The following ACSM3 variants were observed in gnomAD, a reference collection of about 807,000 sequenced individuals.
ACSM3 encodes acyl-CoA synthetase medium chain family member 3, also known as acyl-coenzyme A synthetase ACSM3, mitochondrial.
Under a neutral mutation model 74.1 loss-of-function variants are expected in ACSM3, and 61 were observed. The observed-to-expected ratio is 0.82, with a 90% CI of 0.67 to 1.02. The LOEUF is 1.02. ACSM3 is among the 50% of genes least tolerant of loss of function. The pLI, the probability that ACSM3 is intolerant of heterozygous loss-of-function variation, is 0.00. For missense variants in ACSM3, 660 were observed against 697.0 expected, an observed-to-expected ratio of 0.95 and a Z score of 0.60; for synonymous variants, 213 against 241.5, an observed-to-expected ratio of 0.88 and a Z score of 1.09.
At chr16:20,734,952 G>C (rs2079856632) in intron 1 of ACSM3, 1 of 152,206 alleles carries the variant, frequency 6.6e-6, no homozygotes, top group South Asian at 2.1e-4. Flanking sequence ...GAGAGAAAAT[G>C]CTATTTCATT....
intron 1 of ACSM3, among the ~76,000 whole-genome samples, chr16:20,694,684 C>T (rs893465107): frequency 1.6e-4 from 25 of 152,156 alleles, no homozygotes; most frequent in African/African-American, 6.0e-4. Flanking sequence ...TGAGGGAATC[C>T]ATTAACCAGT....
intron 12 of ACSM3, 52 bp downstream of exon 12, chr16:20,792,387 T>C (rs764887199): frequency 1.2e-6 from 2 of 1,603,238 alleles, no homozygotes; most frequent in East Asian, 4.5e-5. Context: ...ATTTAACACA[T>C]ACTTACAAAC....
intron 1 of ACSM3, among the ~76,000 whole-genome samples, chr16:20,686,268 A>C (rs2079552573): frequency 6.6e-6 from 1 of 152,144 alleles, no homozygotes; most frequent in Admixed American, 6.6e-5. Context: ...GCAGACTAGG[A>C]AGCTCCAGGC....
At position 20,777,399 on chromosome 16, in the gene ACSM3, C is replaced by T. The variant is rs1199355404; in HGVS notation, c.457C>T (p.Gln153Ter). 6.2e-7 allele frequency: 1 copy of T among 1,613,888 alleles called. No individual in the cohort carries two copies. Among genetic ancestry groups the T allele is most frequent in the Non-Finnish European group, 8.5e-7 (1 of 1,179,942 alleles). The change falls in exon 4 of 14, where the codon CAG (glutamine) becomes TAG (stop). Residue 153 changes from glutamine to a stop codon, truncating the protein, a stop_gained. Coordinates refer to ENST00000289416, the MANE Select transcript of ACSM3 (RefSeq NM_005622.4). LOFTEE classifies it high-confidence loss of function. Reference protein sequence around the residue: ...TGTVLIPGTTQLTQKDILYRL... With the variant: ...TGTVLIPGTT ...GACAGTTTTAATTCCAGGAACCACT[C>T]AGCTGACCCAGAAAGACATTCTCTA...
chr16:20,783,576 A>C (rs1309966329), intron 7 of ACSM3: 1 of 152,186 alleles, frequency 6.6e-6, no homozygotes, highest in Non-Finnish European at 1.5e-5. Context: ...ATTTCTTGTT[A>C]TAGCTCATAT....
Position 20,741,481 on chromosome 16 carries a change from G to GTC in ACSM3, c.-189-8429_-189-8428insTC. ...CTCCTCCCGCAAGGCCTGGCAGCCGGCCCGCCCGCCCACCCCGGGACCGGT... is the reference window on the plus strand; with the variant it reads ...CTCCTCCCGCAAGGCCTGGCAGCCGGTCCCCGCCCGCCCACCCCGGGACCGGT... On this transcript the variant is annotated intron_variant, in intron 1 of 3. Coordinates refer to the ACSM3 transcript ENST00000561584. 39 of 1,308,414 alleles carry GTC rather than the reference G, an allele frequency of 3.0e-5. 3 individuals are homozygous for GTC. The highest frequency in any genetic ancestry group is 2.3e-4 in the South Asian group (13 of 56,252). The allele number at this position is 1,308,414 out of a possible 1,614,324, so 81.1% of individuals were successfully genotyped here. A position where few individuals can be genotyped will look rare whatever the true frequency, so the allele number is the denominator to read the frequency against.
intron 7 of ACSM3, chr16:20,783,354 T>C (rs2080395222): frequency 6.6e-6 from 1 of 152,200 alleles, no homozygotes; most frequent in Non-Finnish European, 1.5e-5. Context: ...TTATCCAAAA[T>C]GCTTGAGACC....
At chr16:20,694,673 G>A (rs1321765071) in intron 1 of ACSM3, among the ~76,000 whole-genome samples, 1 of 152,210 alleles carries the variant, frequency 6.6e-6, no homozygotes, top group African/African-American at 2.4e-5. Context: ...GAGAGATATA[G>A]TGAGGGAATC....
In ACSM3 at chr16:20,777,590, C is replaced by A. The variant is rs748481816; in HGVS notation, c.638+10C>A. The A allele has an allele frequency of 6.2e-7, 1 of 1,607,800 alleles. No homozygotes were observed. The highest frequency in any genetic ancestry group is 2.2e-5 in the East Asian group (1 of 44,824). Reference sequence around the variant, plus strand: ...TCAAGGAGTTGATGAAGTGAGTAGCCACACTTGTTGTAAAACAGCTTCCCA... The same window carrying A: ...TCAAGGAGTTGATGAAGTGAGTAGCAACACTTGTTGTAAAACAGCTTCCCA... On this transcript the variant is annotated intron_variant, in intron 4 of 13. Transcript: ENST00000289416.
In ACSM3 at chr16:20,786,135, CCTT is replaced by C. The variant is rs2080469957; in HGVS notation, c.1204_1206del (p.Ser402del). 8 of 1,609,024 alleles carry C rather than the reference CCTT, an allele frequency of 5.0e-6. No homozygotes were observed. In the East Asian group the frequency reaches 1.1e-4, roughly 23 times the overall value. On this transcript the variant is annotated inframe_deletion, in exon 9 of 14. Coordinates refer to ENST00000289416, the MANE Select transcript of ACSM3 (RefSeq NM_005622.4). ...AATTAAACCTGGCTCAATGGGAAAA[CCTT>C]CTCCTGCTTTCGATGTTAAGGTTTG... is the stretch of plus-strand genomic sequence containing the variant.
intron 1 of ACSM3, among the ~76,000 whole-genome samples, chr16:20,746,753 C>A (rs945658605): frequency 6.6e-6 from 1 of 152,160 alleles, no homozygotes; most frequent in Non-Finnish European, 1.5e-5. Context: ...TTTGGCCTGG[C>A]CTTTGTACCT....
At chr16:20,723,441 T>A (rs1357028436) in intron 1 of ACSM3, among the ~76,000 whole-genome samples, 1 of 152,210 alleles carries the variant, frequency 6.6e-6, no homozygotes, top group Non-Finnish European at 1.5e-5. Flanking sequence ...TAGTTCTAGA[T>A]CCCTGAGGAA....
chr16:20,787,553 T>C (rs2080501023), intron 9 of ACSM3, among the ~76,000 whole-genome samples: 1 of 152,222 alleles, frequency 6.6e-6, no homozygotes, highest in Admixed American at 6.5e-5. Flanking sequence ...ACTCTGAAAT[T>C]TGAAATCTTG....
intron 2 of ACSM3, among the ~76,000 whole-genome samples, 157 bp from the exon 3 acceptor site, chr16:20,775,682 G>T (rs1323680541): frequency 1.3e-5 from 2 of 152,164 alleles, no homozygotes; most frequent in African/African-American, 4.8e-5. Flanking sequence ...CATCCATCTT[G>T]ATGATGTCTC....
Position 20,741,042 on chromosome 16 carries a change from A to AT in ACSM3, c.-189-8867dup, listed in dbSNP as rs568416533. Among the ~76,000 whole-genome samples, 139 of 152,124 alleles carry AT rather than the reference A, an allele frequency of 9.1e-4. 4 individuals are homozygous for AT. The South Asian group carries it at 0.028, about 31-fold the overall frequency. On this transcript the variant is annotated intron_variant, in intron 1 of 3. Coordinates refer to the ACSM3 transcript ENST00000561584. ...CACCTTGAGAGGCAGAGACGGGAGG[A>AT]TCGCTTGAGTGTAGGGTTTAGGACT...
chr16:20,753,362 G>A (rs890456433), intron 2 of ACSM3, among the ~76,000 whole-genome samples: 1 of 150,870 alleles, frequency 6.6e-6, no homozygotes, highest in African/African-American at 2.4e-5. Context: ...TACTTGGGAG[G>A]CTAAGGCACA....
intron 1 of ACSM3, among the ~76,000 whole-genome samples, chr16:20,732,429 T>C (rs769539485): frequency 3.3e-5 from 5 of 152,142 alleles, no homozygotes; most frequent in Non-Finnish European, 7.4e-5. Context: ...TAAAATACAG[T>C]AGTCGTCTTA....
intron 1 of ACSM3, among the ~76,000 whole-genome samples, chr16:20,768,410 A>G (rs1414955653): frequency 1.3e-5 from 2 of 152,326 alleles, no homozygotes; most frequent in Non-Finnish European, 2.9e-5. Flanking sequence ...AAATGTCAAC[A>G]TCTACCAATT....
rs776646668 is a variant in ACSM3 at position 20,781,125 on chromosome 16, T to C, written c.934T>C (p.Leu312=). The C allele has an allele frequency of 1.1e-5, 17 of 1,613,926 alleles. No homozygotes were observed. In the Admixed American group the frequency reaches 2.0e-4, roughly 19 times the overall value. Residue 312 remains leucine (L), a synonymous_variant, in exon 6 of 14, where the codon TTG becomes CTG. Coordinates refer to ENST00000289416, the MANE Select transcript of ACSM3 (RefSeq NM_005622.4). ...ACCCCGTTTTGAGCCGACTTCTATC[T>C]TGCAAGTAAGCCAAAGCACAAAGAG... ...HLPRFEPTSI[L]QTLSKYPITV... is the part of the protein sequence containing the mutation.
Sources: gnomAD v4.1 joint callset for allele counts (sites outside exome capture counted in the v4.1 genomes callset) on GRCh38, gnomAD v4.1.1 for gene constraint, MANE v1.5 for transcripts, NCBI Gene and HGNC (gene_info 2026-07-23, HGNC 2026-07-21) for gene names.